Variants in NLK observed in about 807,000 individuals in gnomAD.
NLK encodes the protein serine/threonine-protein kinase NLK.
A neutral mutation model predicts 59.0 loss-of-function variants in NLK; 11 were observed. That is an observed-to-expected ratio of 0.19 (90% CI 0.12 to 0.31). NLK has a LOEUF of 0.31. NLK is among the 10% of genes least tolerant of loss of function. NLK has a pLI of 1.00. For missense variants in NLK, 410 were observed against 661.1 expected (o/e 0.62, Z 4.16); for synonymous variants, 235 against 235.9 (o/e 1.00, Z 0.03).
At chr17:28,083,458 A>T in intron 1 of NLK, among the ~76,000 whole-genome samples, 1 of 152,312 alleles carries the variant, frequency 6.6e-6, no homozygotes, top group Middle Eastern at 3.4e-3. Flanking sequence ...ACTAGATTAC[A>T]TAGATTTAAA....
intron 1 of NLK, among the ~76,000 whole-genome samples, chr17:28,117,908 C>G (rs1905850480): frequency 6.6e-6 from 1 of 152,098 alleles, no homozygotes; most frequent in African/African-American, 2.4e-5. Context: ...GTATACAACT[C>G]TATAAATATG....
At chr17:28,055,677 A>G (rs192147958) in intron 1 of NLK, among the ~76,000 whole-genome samples, 130 of 152,336 alleles carry the variant, frequency 8.5e-4, no homozygotes, top group African/African-American at 2.9e-3. Flanking sequence ...TTATATATTT[A>G]AAGTCTTAGA....
At chr17:28,156,643 A>G (rs547203726) in intron 3 of NLK, among the ~76,000 whole-genome samples, 6 of 152,328 alleles carry the variant, frequency 3.9e-5, no homozygotes, top group East Asian at 1.9e-4. Flanking sequence ...TGTGTTTAGT[A>G]GATTGCTTCT....
intron 7 of NLK, among the ~76,000 whole-genome samples, 174 bp downstream of exon 7, chr17:28,172,792 C>G (rs1356637622): frequency 6.6e-6 from 1 of 151,990 alleles, no homozygotes; most frequent in African/African-American, 2.4e-5. Flanking sequence ...TGAATAAAAT[C>G]TCATTCCTAA....
At chr17:28,182,291 T>C (rs571376907) in intron 7 of NLK, among the ~76,000 whole-genome samples, 75 of 152,296 alleles carry the variant, frequency 4.9e-4, no homozygotes, top group Non-Finnish European at 7.4e-4. Flanking sequence ...TGTTTGGTTT[T>C]TTTGGATTTT....
chr17:28,096,301 A>G (rs1904698946), intron 1 of NLK, among the ~76,000 whole-genome samples: 1 of 152,264 alleles, frequency 6.6e-6, no homozygotes, highest in South Asian at 2.1e-4. Flanking sequence ...ATAATTTTAC[A>G]CAAGAAAAAG....
chr17:28,149,094 G>T (rs753281427), intron 3 of NLK, among the ~76,000 whole-genome samples: 3 of 152,122 alleles, frequency 2.0e-5, no homozygotes, highest in Non-Finnish European at 4.4e-5. Context: ...ACAGGGTCTT[G>T]CTCTGTCGCC....
In NLK at chr17:28,069,326, G is replaced by C. The variant is rs754078289; in HGVS notation, c.458+25995G>C. Among the ~76,000 whole-genome samples the C allele has an allele frequency of 1.1e-4, 16 of 152,100 alleles. 1 individual carries two copies. The highest frequency in any genetic ancestry group is 7.2e-4 in the Admixed American group (11 of 15,284). ...GCACAGTTTGTTTATCCATCCTTCTGTTCCTTCCAGTTTTAGACTATTCTT... is the reference window on the plus strand; with the variant it reads ...GCACAGTTTGTTTATCCATCCTTCTCTTCCTTCCAGTTTTAGACTATTCTT... On this transcript the variant is annotated intron_variant, in intron 1 of 10. Coordinates refer to ENST00000407008, the MANE Select transcript of NLK (RefSeq NM_016231.5).
At chr17:28,095,204 A>G (rs1169835094) in intron 1 of NLK, among the ~76,000 whole-genome samples, 2 of 152,076 alleles carry the variant, frequency 1.3e-5, no homozygotes, top group African/African-American at 4.8e-5. Flanking sequence ...GTTACATGAT[A>G]CTATTGTTGC....
At chr17:28,093,567 T>C (rs1030936969) in intron 1 of NLK, among the ~76,000 whole-genome samples, 24 of 152,104 alleles carry the variant, frequency 1.6e-4, no homozygotes, top group African/African-American at 5.6e-4. Context: ...AGAACTTGAG[T>C]TGAGGGAGAG....
intron 4 of NLK, 141 bp downstream of exon 4, chr17:28,161,407 T>C (rs1343599206): frequency 5.4e-6 from 3 of 554,848 alleles, no homozygotes; most frequent in Non-Finnish European, 9.5e-6. Flanking sequence ...TATTTTATAA[T>C]TTCTATATTT....
At chr17:28,142,836 ATGTTAG>A (rs1009901818) in intron 3 of NLK, among the ~76,000 whole-genome samples, 4 of 152,112 alleles carry the variant, frequency 2.6e-5, no homozygotes, top group African/African-American at 2.4e-5. Flanking sequence ...GTGCCTAAGC[ATGTTAG>A]TGTTTAAAGT....
chr17:28,165,325 G>T (rs1908177317), intron 5 of NLK, among the ~76,000 whole-genome samples: 1 of 152,140 alleles, frequency 6.6e-6, no homozygotes, highest in South Asian at 2.1e-4. Flanking sequence ...CATGTTTGAT[G>T]CCATTAACTG....
At chr17:28,088,512 T>A (rs955366551) in intron 1 of NLK, among the ~76,000 whole-genome samples, 2 of 152,144 alleles carry the variant, frequency 1.3e-5, no homozygotes, top group Non-Finnish European at 2.9e-5. Flanking sequence ...TTCAAAATAA[T>A]GAATTGATCC....
intron 1 of NLK, among the ~76,000 whole-genome samples, chr17:28,108,267 A>G (rs1239841154): frequency 6.6e-6 from 1 of 152,218 alleles, no homozygotes. Context: ...CCAAAAGTAT[A>G]AAGGAAATGT....
At chr17:28,129,213 G>C (rs1427787895) in intron 2 of NLK, among the ~76,000 whole-genome samples, 1 of 152,188 alleles carries the variant, frequency 6.6e-6, no homozygotes, top group Non-Finnish European at 1.5e-5. Context: ...CCAGCACCTT[G>C]GGAGGCCAAG....
intron 1 of NLK, among the ~76,000 whole-genome samples, chr17:28,105,882 A>G (rs980674194): frequency 6.6e-6 from 1 of 152,234 alleles, no homozygotes; most frequent in Non-Finnish European, 1.5e-5. Context: ...GCCCAAAGCC[A>G]AAGCCATAGC....
intron 7 of NLK, 49 bp from the exon 8 acceptor site, chr17:28,185,130 G>A (rs766667273): frequency 9.5e-6 from 11 of 1,161,100 alleles, no homozygotes; most frequent in Admixed American, 6.9e-5. Flanking sequence ...TTCCATAGCT[G>A]TTTACACAAA....
intron 1 of NLK, among the ~76,000 whole-genome samples, chr17:28,105,695 C>G (rs1905054835): frequency 6.6e-6 from 1 of 152,336 alleles, no homozygotes; most frequent in African/African-American, 2.4e-5. Context: ...TAAAGAAGAC[C>G]TGGTGATTCA....
Sources: allele counts gnomAD v4.1 joint callset (sites outside exome capture counted in the v4.1 genomes callset), GRCh38; gene constraint gnomAD v4.1.1; transcripts MANE v1.5; gene names NCBI Gene and HGNC (gene_info 2026-07-23, HGNC 2026-07-21).